PTPRN2: variants seen among roughly 807,000 people sequenced by gnomAD.
PTPRN2 encodes protein tyrosine phosphatase receptor type N2.
A neutral mutation model predicts 118.8 loss-of-function variants in PTPRN2; 74 were observed. The ratio of observed to expected loss-of-function variants is 0.62; its 90% CI spans 0.52 to 0.76. PTPRN2 has a LOEUF of 0.76. Among genes scored for constraint, PTPRN2 ranks in the 30% least tolerant of loss-of-function variants. The pLI is 0.00. For missense variants in PTPRN2, 1,481 were observed against 1,394.4 expected, an observed-to-expected ratio of 1.06 and a Z score of -0.99; for synonymous variants, 641 against 608.0, an observed-to-expected ratio of 1.05 and a Z score of -0.80.
At chr7:157,588,194 G>A (rs1204835293) in intron 17 of PTPRN2, among the ~76,000 whole-genome samples, 1 of 152,228 alleles carries the variant, frequency 6.6e-6, no homozygotes, top group Non-Finnish European at 1.5e-5. Context: ...AGTGTTTGGT[G>A]GTGACACACA....
At chr7:157,835,243 C>T (rs1807851785) in intron 12 of PTPRN2, among the ~76,000 whole-genome samples, 1 of 152,126 alleles carries the variant, frequency 6.6e-6, no homozygotes. Flanking sequence ...AGACACACAG[C>T]CTCTCTAAAA....
intron 5 of PTPRN2, among the ~76,000 whole-genome samples, chr7:158,186,583 C>G (rs1825169350): frequency 6.6e-6 from 1 of 150,894 alleles, no homozygotes; most frequent in Non-Finnish European, 1.5e-5. Flanking sequence ...CCACCTGCCC[C>G]CTCTGGCATG....
At chr7:157,738,133 A>G (rs186261527) in intron 12 of PTPRN2, among the ~76,000 whole-genome samples, 1 of 152,340 alleles carries the variant, frequency 6.6e-6, no homozygotes, top group East Asian at 1.9e-4. Flanking sequence ...TTCTTTTGAA[A>G]CATCTATTAG....
chr7:157,718,437 C>T (rs1169289633), intron 12 of PTPRN2, among the ~76,000 whole-genome samples: 1 of 152,210 alleles, frequency 6.6e-6, no homozygotes, highest in Non-Finnish European at 1.5e-5. Context: ...GGTGGCTTCA[C>T]AGGGCGTGTT....
Position 158,110,919 on chromosome 7 carries a change from C to T in PTPRN2, c.1557-4G>A, listed in dbSNP as rs774366606. ...TCCTTCCTCGGGGCGCAGGGGGCTG[C>T]GGATGACAGCAGGGATGGGGAGCAG... On this transcript the variant is annotated splice_polypyrimidine_tract_variant and splice_region_variant and intron_variant, in intron 9 of 22. Coordinates refer to ENST00000389418, the MANE Select transcript of PTPRN2 (RefSeq NM_002847.5). The T allele has an allele frequency of 7.3e-5, 113 of 1,554,458 alleles. No homozygotes were observed. The highest frequency in any genetic ancestry group is 5.0e-4 in the Middle Eastern group (3 of 5,972).
At chr7:157,799,781 G>T (rs1805114235) in intron 12 of PTPRN2, among the ~76,000 whole-genome samples, 1 of 146,504 alleles carries the variant, frequency 6.8e-6, no homozygotes, top group Non-Finnish European at 1.5e-5. Context: ...CCATCCCTCA[G>T]AGTCACCACA....
chr7:158,567,907 C>A (rs1827756359), intron 1 of PTPRN2, among the ~76,000 whole-genome samples: 1 of 152,182 alleles, frequency 6.6e-6, no homozygotes, highest in African/African-American at 2.4e-5. Flanking sequence ...CAGAAATGAC[C>A]AACGTGCTAA....
chr7:157,823,685 A>C (rs926128136), intron 12 of PTPRN2, among the ~76,000 whole-genome samples: 2 of 152,216 alleles, frequency 1.3e-5, no homozygotes, highest in Admixed American at 6.5e-5. Flanking sequence ...GGACTGGTGA[A>C]GTTTTCAGAT....
chr7:157,576,280 C>T (rs1348540898), intron 19 of PTPRN2, among the ~76,000 whole-genome samples: 1 of 152,242 alleles, frequency 6.6e-6, no homozygotes, highest in Non-Finnish European at 1.5e-5. Context: ...TCCAACTGAA[C>T]ATCCGAGCTT....
chr7:157,742,104 T>A (rs1197708686), intron 12 of PTPRN2, among the ~76,000 whole-genome samples: 2 of 152,206 alleles, frequency 1.3e-5, no homozygotes, highest in African/African-American at 4.8e-5. Context: ...GGTGACTGAG[T>A]GTGCTCAATG....
chr7:158,090,956 G>T lies in PTPRN2; in HGVS notation c.1644-9579C>A, dbSNP rs144418902. On this transcript the variant is annotated intron_variant, in intron 10 of 22. Coordinates refer to ENST00000389418, the MANE Select transcript of PTPRN2 (RefSeq NM_002847.5). ...TTAACCACAGGAAAGAAAACACTGA[G>T]CTCCATCTGTTCTTAGACCAACCGT... 4.0e-3 allele frequency among the ~76,000 whole-genome samples: 608 copies of T among 152,288 alleles called. 3 individuals carry two copies. The highest frequency in any genetic ancestry group is 0.013 in the African/African-American group (550 of 41,554).
chr7:158,089,792 T>TG (rs1813908089), intron 10 of PTPRN2, among the ~76,000 whole-genome samples: 2 of 122,762 alleles, frequency 1.6e-5, no homozygotes, highest in Admixed American at 8.1e-5. Context: ...ACACAAATCC[T>TG]TCTTCCCCTG....
At chr7:158,444,176 C>T (rs545874364) in intron 2 of PTPRN2, among the ~76,000 whole-genome samples, 2 of 152,366 alleles carry the variant, frequency 1.3e-5, no homozygotes, top group Non-Finnish European at 2.9e-5. Context: ...AGCACCCCTC[C>T]GGCAGCCTCG....
chr7:158,165,933 G>A (rs1822927513), intron 6 of PTPRN2, among the ~76,000 whole-genome samples: 1 of 152,306 alleles, frequency 6.6e-6, no homozygotes, highest in East Asian at 1.9e-4. Flanking sequence ...AGTGCATGGT[G>A]AGCAGCATGA....
At chr7:158,279,819 G>A (rs927304094) in intron 3 of PTPRN2, among the ~76,000 whole-genome samples, 2 of 152,228 alleles carry the variant, frequency 1.3e-5, no homozygotes, top group Non-Finnish European at 2.9e-5. Flanking sequence ...TTCGAGCCCG[G>A]CCAGAGCAGA....
chr7:158,273,454 G>GCAGACAGACGCGGGAGGAGCCTCAGA (rs1274149832), intron 3 of PTPRN2, among the ~76,000 whole-genome samples: 1 of 93,916 alleles, frequency 1.1e-5, no homozygotes, highest in African/African-American at 5.2e-5. Flanking sequence ...GGGAGGAGCC[G>GCAGACAGACGCGGGAGGAGCCTCAGA]CAGACGCAGG....
intron 14 of PTPRN2, among the ~76,000 whole-genome samples, chr7:157,630,459 G>A (rs1426308549): frequency 6.6e-6 from 1 of 152,136 alleles, no homozygotes; most frequent in Non-Finnish European, 1.5e-5. Flanking sequence ...AACGTGAGGC[G>A]GCAGGGAGTG....
Position 157,594,591 on chromosome 7 carries a change from G to A in PTPRN2, c.2496+647C>T, listed in dbSNP as rs556877477. Among the ~76,000 whole-genome samples the A allele has an allele frequency of 7.9e-5, 12 of 152,338 alleles. No individual in the cohort carries two copies. In the South Asian group the frequency reaches 1.5e-3, roughly 18 times the overall value. ...CGGGGTTGGCTGGTGTGCCCGACAC[G>A]CGGCCGGTGCCTGTGCTCCTGCGGT... is the stretch of plus-strand genomic sequence containing the variant. On this transcript the variant is annotated intron_variant, in intron 17 of 22. Transcript: ENST00000389418.
chr7:158,545,652 T>C (rs1284823783), intron 1 of PTPRN2, among the ~76,000 whole-genome samples: 1 of 152,214 alleles, frequency 6.6e-6, no homozygotes, highest in Non-Finnish European at 1.5e-5. Context: ...GCACATTCTC[T>C]GAGGCTCTGG....
Sources: gnomAD v4.1 joint callset for allele counts (sites outside exome capture counted in the v4.1 genomes callset) on GRCh38, gnomAD v4.1.1 for gene constraint, MANE v1.5 for transcripts, NCBI Gene and HGNC (gene_info 2026-07-23, HGNC 2026-07-21) for gene names.